Variants in FAM193A observed in about 807,000 individuals in gnomAD.
FAM193A encodes the protein protein FAM193A.
Under a neutral mutation model 126.5 loss-of-function variants are expected in FAM193A, and 22 were observed. The ratio of observed to expected loss-of-function variants is 0.17; its 90% confidence interval spans 0.12 to 0.25. The LOEUF is 0.25. FAM193A is among the 10% of genes least tolerant of loss of function. The probability of loss-of-function intolerance (pLI) is 1.00; values close to 1 mark genes in which losing one functional copy is unlikely to be tolerated. For synonymous variants in FAM193A, 761 were observed against 646.8 expected (o/e 1.18, Z -2.68); for missense variants, 1,675 against 1,672.8 (o/e 1.00, Z -0.02).
intron 7 of FAM193A, among the ~76,000 whole-genome samples, chr4:2,657,415 C>G (rs959539423): frequency 6.6e-6 from 1 of 152,150 alleles, no homozygotes; most frequent in Non-Finnish European, 1.5e-5. Flanking sequence ...ATAGCTCTTC[C>G]TTTCCTGTAG....
At chr4:2,573,468 G>A (rs943773421) in intron 1 of FAM193A, among the ~76,000 whole-genome samples, 8 of 150,772 alleles carry the variant, frequency 5.3e-5, no homozygotes, top group Non-Finnish European at 7.4e-5. Context: ...AGCTGAGATC[G>A]TGCCACTGCA....
chr4:2,554,037 A>C (rs530844566), intron 1 of FAM193A, among the ~76,000 whole-genome samples: 1 of 152,232 alleles, frequency 6.6e-6, no homozygotes, highest in Admixed American at 6.6e-5. Context: ...GCAGTGTGAA[A>C]ATGGATTAAT....
chr4:2,572,823 T>G (rs2108862327), intron 1 of FAM193A, among the ~76,000 whole-genome samples: 2 of 144,958 alleles, frequency 1.4e-5, no homozygotes, highest in Admixed American at 7.1e-5. Flanking sequence ...GTGAGAATAG[T>G]GGTTTGCTGG....
chr4:2,723,573 C>CAAAA (rs35028433), intron 20 of FAM193A, among the ~76,000 whole-genome samples: 1 of 133,770 alleles, frequency 7.5e-6, no homozygotes. Flanking sequence ...GACTCCGTCT[C>CAAAA]AAAAAAAAAA....
intron 19 of FAM193A, among the ~76,000 whole-genome samples, chr4:2,709,235 G>C (rs12509102): frequency 0.38 from 58,233 of 151,894 alleles, 11,834 homozygotes; most frequent in Admixed American, 0.55. Context: ...AACTGAACTT[G>C]AATTCCTGGA....
chr4:2,679,819 C>G (rs1714893276), intron 13 of FAM193A, among the ~76,000 whole-genome samples: 1 of 151,216 alleles, frequency 6.6e-6, no homozygotes, highest in African/African-American at 2.4e-5. Context: ...GTAGAATTGA[C>G]TAGTGAAGCC....
At chr4:2,660,203 A>G (rs983953012) in intron 10 of FAM193A, 149 bp downstream of exon 10, 4 of 809,952 alleles carry the variant, frequency 4.9e-6, no homozygotes, top group Non-Finnish European at 7.6e-6. Context: ...CTTTTAAAAC[A>G]TGAAATCAGT....
intron 1 of FAM193A, among the ~76,000 whole-genome samples, chr4:2,573,370 G>A (rs920097641): frequency 6.6e-6 from 1 of 152,100 alleles, no homozygotes; most frequent in Non-Finnish European, 1.5e-5. Flanking sequence ...GAATCAGCCA[G>A]TGCGTGGTGA....
At chr4:2,567,121 T>TC (rs932471631) in intron 1 of FAM193A, among the ~76,000 whole-genome samples, 22 of 151,174 alleles carry the variant, frequency 1.5e-4, no homozygotes, top group African/African-American at 4.8e-4. Context: ...TTTTTTTTTT[T>TC]GTATTTTTAG....
rs1369780463 is a variant in FAM193A at position 2,699,578 on chromosome 4, G to T, written c.3508-102G>T. The T allele has an allele frequency of 4.4e-6, 5 of 1,147,046 alleles. 1 individual carries two copies. Among genetic ancestry groups the T allele is most frequent in the South Asian group, 1.6e-5 (1 of 63,522 alleles). The allele number at this position is 1,147,046 out of a possible 1,614,324, so 71.1% of individuals were successfully genotyped here. On this transcript the variant is annotated intron_variant, in intron 18 of 20. Transcript: ENST00000637812. ...TTATTACAGCCTCTTCAGAGTTTAT[G>T]TTCCATATGTGATTCGTTTTTGAAA...
At position 2,657,889 on chromosome 4, in the gene FAM193A, G is replaced by C; in HGVS notation, c.1389+9G>C. ...GATTCATTGAAGAACAGGTAAGCTT[G>C]TCAATAAGAGAGGCAATTAAAGGAA... On this transcript the variant is annotated intron_variant, in intron 8 of 20. Transcript: ENST00000637812. 6.3e-7 allele frequency: 1 copy of C among 1,578,226 alleles called. No homozygotes were observed. The highest frequency in any genetic ancestry group is 1.7e-5 in the Admixed American group (1 of 57,596).
At chr4:2,720,647 TAAA>T (rs200511084) in intron 20 of FAM193A, among the ~76,000 whole-genome samples, 5 of 118,830 alleles carry the variant, frequency 4.2e-5, no homozygotes, top group Middle Eastern at 3.9e-3. Context: ...AGACTCTGTC[TAAA>T]AAAAAAAAAA....
chr4:2,603,706 A>G (rs1276223166), intron 2 of FAM193A, among the ~76,000 whole-genome samples: 5 of 151,470 alleles, frequency 3.3e-5, no homozygotes, highest in South Asian at 4.2e-4. Flanking sequence ...TGATCTGCCC[A>G]CCTTGGCCTC....
rs572223693 is a variant in FAM193A at position 2,626,479 on chromosome 4, G to T, written c.705G>T (p.Thr235=). ...LQNYWSEVRY[T]VRCIYRQAGT... ...ACTACTGGTCAGAAGTGCGCTACACGGTGCGCTGCATCTACCGCCAGGCAG... is the reference window on the plus strand; with the variant it reads ...ACTACTGGTCAGAAGTGCGCTACACTGTGCGCTGCATCTACCGCCAGGCAG... The change falls in exon 4 of 21, where the codon ACG becomes ACT. Residue 235 remains threonine, a synonymous_variant. Transcript: ENST00000637812. 17 of 702,654 alleles carry T rather than the reference G, an allele frequency of 2.4e-5. No homozygotes were observed. In the African/African-American group the frequency reaches 3.0e-4, roughly 12 times the overall value. 43.5% of individuals were successfully genotyped at this position (702,654 alleles called of 1,614,324 possible). A position where few individuals can be genotyped will look rare whatever the true frequency, so the allele number is the denominator to read the frequency against.
chr4:2,640,704 C>T (rs1744528484), intron 6 of FAM193A, among the ~76,000 whole-genome samples: 1 of 152,154 alleles, frequency 6.6e-6, no homozygotes, highest in African/African-American at 2.4e-5. Context: ...TGGCTCACGC[C>T]TGTAATTCCA....
Position 2,596,074 on chromosome 4 carries a change from TCTA to T in FAM193A, c.256-9_256-7del, listed in dbSNP as rs1577054135. ...GGTTTTGAAAATAGAATTTTTTTTT[TCTA>T]TTCCAGACTCCTTTTAGTTTTGGCA... On this transcript the variant is annotated splice_region_variant and splice_polypyrimidine_tract_variant and intron_variant, in intron 1 of 20. Coordinates refer to ENST00000637812, the MANE Select transcript of FAM193A (RefSeq NM_001366318.2). The T allele has an allele frequency of 5.9e-6, 4 of 682,312 alleles. No homozygotes were observed. Among genetic ancestry groups the T allele is most frequent in the South Asian group, 1.6e-5 (1 of 64,396 alleles). 42.3% of individuals were successfully genotyped at this position (682,312 alleles called of 1,614,324 possible). A position where few individuals can be genotyped will look rare whatever the true frequency, so the allele number is the denominator to read the frequency against.
chr4:2,710,851 CTTTT>C (rs35045989), intron 19 of FAM193A, among the ~76,000 whole-genome samples: 3 of 116,288 alleles, frequency 2.6e-5, no homozygotes, highest in Non-Finnish European at 3.5e-5. Context: ...TCTGTGCTTT[CTTTT>C]TTTTTTTTTT....
chr4:2,620,067 T>G (rs911154790), intron 2 of FAM193A, among the ~76,000 whole-genome samples: 2 of 152,226 alleles, frequency 1.3e-5, no homozygotes, highest in Admixed American at 6.5e-5. Context: ...CGTTACTGGA[T>G]GCTGGACATT....
At chr4:2,656,117 A>G (rs903934820) in intron 7 of FAM193A, among the ~76,000 whole-genome samples, 5 of 152,142 alleles carry the variant, frequency 3.3e-5, no homozygotes, top group African/African-American at 1.2e-4. Flanking sequence ...CTGAGGTATA[A>G]TTGAGTTGTC....
Sources: gnomAD v4.1 joint callset for allele counts (sites outside exome capture counted in the v4.1 genomes callset) on GRCh38, gnomAD v4.1.1 for gene constraint, MANE v1.5 for transcripts, NCBI Gene and HGNC (gene_info 2026-07-23, HGNC 2026-07-21) for gene names.